The following ARL2BP variants were observed in gnomAD, a reference collection of about 807,000 sequenced individuals.
ARL2BP encodes ARF like GTPase 2 binding protein, also known as ADP-ribosylation factor-like protein 2-binding protein.
Under a neutral mutation model 24.2 loss-of-function variants are expected in ARL2BP, and 19 were observed. The ratio of observed to expected loss-of-function variants is 0.79; its 90% CI spans 0.55 to 1.15. The LOEUF is 1.15. ARL2BP is among the 50% of genes most tolerant of loss of function. The pLI is 0.00. For missense variants in ARL2BP, 160 were observed against 190.4 expected (o/e 0.84, Z 0.94); for synonymous variants, 56 against 70.5 (o/e 0.79, Z 1.03).
Position 57,252,216 on chromosome 16 carries a change from A to G in ARL2BP, c.441A>G (p.Ser147=), listed in dbSNP as rs1410845603. 6.2e-7 allele frequency: 1 copy of G among 1,614,142 alleles called. No individual in the cohort carries two copies. The highest frequency in any genetic ancestry group is 2.2e-5 in the East Asian group (1 of 44,878). The stretch of plus-strand genomic sequence containing the variant: ...TAAGCAGTGGCTTAGTGGTGACTTC[A>G]TTGTGCAAATCATCTTCTCTGCCAG... ...LDLSSGLVVT[S]LCKSSSLPAS... Residue 147 remains serine, a synonymous_variant, in exon 6 of 6, where the codon TCA becomes TCG. Coordinates refer to ENST00000219204, the MANE Select transcript of ARL2BP (RefSeq NM_012106.4).
chr16:57,250,444 C>A lies in ARL2BP; in HGVS notation c.327C>A (p.Phe109Leu), dbSNP rs750251288. ...HHKDEVAGDIFDMLLTFTDFL... is the reference protein window; with the variant it reads ...HHKDEVAGDILDMLLTFTDFL... Reference sequence around the variant, plus strand: ...AGGATGAAGTGGCTGGTGACATATTCGACATGCTGCTCACCTTCACAGATT... The same window carrying A: ...AGGATGAAGTGGCTGGTGACATATTAGACATGCTGCTCACCTTCACAGATT... The change falls in exon 5 of 6, where the codon TTC (phenylalanine) becomes TTA (leucine). Residue 109 changes from phenylalanine (F) to leucine (L), a missense_variant. Physicochemically the swap from Phe to Leu is conservative, Grantham distance 22. Coordinates refer to ENST00000219204, the MANE Select transcript of ARL2BP (RefSeq NM_012106.4). The A allele has an allele frequency of 6.2e-7, 1 of 1,614,040 alleles. No individual in the cohort carries two copies. The highest frequency in any genetic ancestry group is 8.5e-7 in the Non-Finnish European group (1 of 1,180,030).
intron 2 of ARL2BP, 186 bp downstream of exon 2, chr16:57,246,327 GA>G (rs1393054600): frequency 1.6e-6 from 1 of 607,406 alleles, no homozygotes; most frequent in African/African-American, 1.9e-5. Context: ...CAGTACTCCT[GA>G]AAACATCTAA....
chr16:57,246,744 C>T lies in ARL2BP; in HGVS notation c.100+603C>T, dbSNP rs554116822. On this transcript the variant is annotated intron_variant, in intron 2 of 5. Transcript: ENST00000219204. ...GCGTGAACCTGGGAGGTGGAGCTTG[C>T]AGTGATCCGAGATCGTGCCACTTCA... Among the ~76,000 whole-genome samples the T allele has an allele frequency of 4.6e-5, 7 of 152,288 alleles. No individual in the cohort carries two copies. The South Asian group carries it at 1.2e-3, about 27-fold the overall frequency.
chr16:57,251,083 A>G (rs1332678091), intron 5 of ARL2BP: 1 of 152,266 alleles, frequency 6.6e-6, no homozygotes, highest in Non-Finnish European at 1.5e-5. Flanking sequence ...CTTGCTTTTC[A>G]TATAATGCAA....
At chr16:57,245,462 C>G in intron 1 of ARL2BP, 57 bp downstream of exon 1, 1 of 1,582,894 alleles carries the variant, frequency 6.3e-7, no homozygotes, top group Non-Finnish European at 8.6e-7. Flanking sequence ...GGGCGTTCGC[C>G]CCGGGGCCTG....
At chr16:57,250,547 CT>C in intron 5 of ARL2BP, 40 bp downstream of exon 5, 2 of 1,542,758 alleles carry the variant, frequency 1.3e-6, no homozygotes, top group Non-Finnish European at 1.8e-6. Flanking sequence ...CTTTGAGCCA[CT>C]TAGAAAATTC....
intron 3 of ARL2BP, chr16:57,249,512 T>C (rs771299985): frequency 6.0e-6 from 3 of 503,538 alleles, no homozygotes; most frequent in Non-Finnish European, 1.1e-5. Flanking sequence ...ACCGTGCTAC[T>C]CACTGTCTCC....
chr16:57,249,840 C>G lies in ARL2BP; in HGVS notation c.281C>G (p.Thr94Ser). 3 of 1,614,090 alleles carry G rather than the reference C, an allele frequency of 1.9e-6. No homozygotes were observed. Among genetic ancestry groups the G allele is most frequent in the Non-Finnish European group, 2.5e-6 (3 of 1,179,910 alleles). ...CCTGAGTTCAACATGGCAGCCTTCA[C>G]CACAACATTACAGTGAGTTGAGCTT... ...RIPEFNMAAF[T>S]TTLQHHKDEV... The change falls in exon 4 of 6, where the codon ACC becomes AGC. Residue 94 changes from threonine to serine, a missense_variant. Transcript: ENST00000219204.
At position 57,246,139 on chromosome 16, in the gene ARL2BP, T is replaced by C. The variant is rs1429980563; in HGVS notation, c.98T>C (p.Met33Thr). 1.2e-6 allele frequency: 2 copies of C among 1,613,676 alleles called. No individual in the cohort carries two copies. Among genetic ancestry groups the C allele is most frequent in the Non-Finnish European group, 1.7e-6 (2 of 1,179,736 alleles). ...AVVGYLEDII[M>T]DDEFQLLQRN... ...GTTGGATATTTAGAGGACATTATCA[T>C]GGGTAAGCTTTTAAGATACTGTTTT... Residue 33 changes from methionine (M) to threonine (T), a missense_variant and splice_region_variant, in exon 2 of 6, where the codon ATG (methionine) becomes ACG (threonine). Coordinates refer to ENST00000219204, the MANE Select transcript of ARL2BP (RefSeq NM_012106.4).
chr16:57,248,751 C>T (rs772036880), intron 3 of ARL2BP, 108 bp downstream of exon 3: 1 of 550,274 alleles, frequency 1.8e-6, no homozygotes. Flanking sequence ...GCCACCAGTA[C>T]ACTTCCAGGA....
Position 57,252,836 on chromosome 16 carries a change from T to C in ARL2BP, c.*569T>C, listed in dbSNP as rs1486361831. On this transcript the variant is annotated 3_prime_UTR_variant, in exon 6 of 6. Coordinates refer to ENST00000219204, the MANE Select transcript of ARL2BP (RefSeq NM_012106.4). ...AGACGTCCTCTACATAAAAGCTCCA[T>C]GTGAAAAGCTACTCCTAGTCTTAAC... 6.4e-6 allele frequency: 1 copy of C among 156,152 alleles called. No homozygotes were observed. The highest frequency in any genetic ancestry group is 1.4e-5 in the Non-Finnish European group (1 of 70,056). The allele number at this position is 156,152 out of a possible 1,614,324, so 9.7% of individuals were successfully genotyped here. A position where few individuals can be genotyped will look rare whatever the true frequency, so the allele number is the denominator to read the frequency against.
At chr16:57,249,423 G>A (rs567335006) in intron 3 of ARL2BP, 6 of 227,636 alleles carry the variant, frequency 2.6e-5, no homozygotes, top group Non-Finnish European at 5.1e-5. Flanking sequence ...ATGTCCGTAT[G>A]TTCTGTTACA....
chr16:57,249,691 G>C, intron 3 of ARL2BP, 76 bp from the exon 4 acceptor site: 1 of 1,179,670 alleles, frequency 8.5e-7, no homozygotes, highest in South Asian at 1.2e-5. Context: ...GTTTAGAAAG[G>C]GCTGGGCAGG....
chr16:57,250,671 C>G, intron 5 of ARL2BP, 164 bp downstream of exon 5: 1 of 618,406 alleles, frequency 1.6e-6, no homozygotes, highest in East Asian at 2.8e-5. Flanking sequence ...CTGGGACCTT[C>G]TCATGTTTTC....
intron 4 of ARL2BP, 78 bp downstream of exon 4, chr16:57,249,930 C>T: frequency 7.3e-7 from 1 of 1,362,556 alleles, no homozygotes. Flanking sequence ...CCAAAAGACG[C>T]TCCTTGTTTG....
In ARL2BP at chr16:57,249,861, A is replaced by G; in HGVS notation, c.293+9A>G. On this transcript the variant is annotated intron_variant, in intron 4 of 5. Transcript: ENST00000219204. ...TTCACCACAACATTACAGTGAGTTGAGCTTGACTGATTTTTGTGTTTTGTT... is the reference window on the plus strand; with the variant it reads ...TTCACCACAACATTACAGTGAGTTGGGCTTGACTGATTTTTGTGTTTTGTT... 6.2e-7 allele frequency: 1 copy of G among 1,613,086 alleles called. No homozygotes were observed. Among genetic ancestry groups the G allele is most frequent in the Non-Finnish European group, 8.5e-7 (1 of 1,179,040 alleles).
chr16:57,245,794 A>G lies in ARL2BP; in HGVS notation c.39-286A>G, dbSNP rs1305148096. 6.0e-6 allele frequency: 3 copies of G among 500,688 alleles called. No individual in the cohort carries two copies. In the East Asian group the frequency reaches 1.0e-4, roughly 17 times the overall value. 31.0% of individuals were successfully genotyped at this position (500,688 alleles called of 1,614,324 possible). On this transcript the variant is annotated intron_variant, in intron 1 of 5. Transcript: ENST00000219204. ...CAGGTGTTTCGCCCGTGCCGGGTTC[A>G]TGCTCACAAGCAGACAGGTATGGGG...
intron 4 of ARL2BP, 155 bp downstream of exon 4, chr16:57,250,007 T>C (rs1343055009): frequency 4.4e-6 from 3 of 681,564 alleles, no homozygotes; most frequent in East Asian, 5.1e-5. Context: ...TAATGAAATC[T>C]TGAAAAGATC....
Position 57,248,516 on chromosome 16 carries a change from AT to A in ARL2BP, c.101-17del, listed in dbSNP as rs750949372. On this transcript the variant is annotated intron_variant, in intron 2 of 5. Coordinates refer to ENST00000219204, the MANE Select transcript of ARL2BP (RefSeq NM_012106.4). Reference sequence around the variant, plus strand: ...TGGTAATCTCCATTAAAAAGAATAAATTTTCCCCACTGTGGTTCAGATGACG... The same window carrying A: ...TGGTAATCTCCATTAAAAAGAATAAATTTCCCCACTGTGGTTCAGATGACG... The A allele has an allele frequency of 1.1e-5, 16 of 1,469,860 alleles. No individual in the cohort carries two copies. The Admixed American group carries it at 1.3e-4, about 12-fold the overall frequency. 91.1% of individuals were successfully genotyped at this position (1,469,860 alleles called of 1,614,324 possible). A position where few individuals can be genotyped will look rare whatever the true frequency, so the allele number is the denominator to read the frequency against.
Sources: gnomAD v4.1 joint callset for allele counts (sites outside exome capture counted in the v4.1 genomes callset) on GRCh38, gnomAD v4.1.1 for gene constraint, MANE v1.5 for transcripts, NCBI Gene and HGNC (gene_info 2026-07-23, HGNC 2026-07-21) for gene names.